Variants in FAM107B observed in about 807,000 individuals in gnomAD.
The protein encoded by FAM107B is family with sequence similarity 107 member B.
FAM107B carries 21 observed loss-of-function variants against 31.5 expected under a neutral mutation model. The observed-to-expected ratio is 0.67, with a 90% confidence interval of 0.47 to 0.96. The LOEUF (loss-of-function observed/expected upper bound fraction) is 0.96. Among genes scored for constraint, FAM107B ranks in the 40% least tolerant of loss-of-function variants. The probability of loss-of-function intolerance (pLI) is 0.00; values close to 1 mark genes in which losing one functional copy is unlikely to be tolerated. For missense variants in FAM107B, 452 were observed against 377.1 expected (o/e 1.20, Z -1.64); for synonymous variants, 157 against 141.5 (o/e 1.11, Z -0.78).
At chr10:14,666,109 A>G (rs575283888) in intron 2 of FAM107B, among the ~76,000 whole-genome samples, 88 of 152,314 alleles carry the variant, frequency 5.8e-4, no homozygotes, top group African/African-American at 2.1e-3. Context: ...CAAGACTGGT[A>G]ATGTCCCTGC....
chr10:14,595,424 T>TTTTC (rs1554838386), intron 2 of FAM107B, among the ~76,000 whole-genome samples: 1 of 139,558 alleles, frequency 7.2e-6, no homozygotes, highest in Non-Finnish European at 1.6e-5. Context: ...AGGGCAACCT[T>TTTTC]TTTTTTTTTT....
chr10:14,626,497 ATCTTTTTTT>A (rs1373537906), intron 2 of FAM107B, among the ~76,000 whole-genome samples: 1 of 100,470 alleles, frequency 1.0e-5, no homozygotes, highest in Admixed American at 1.3e-4. Context: ...TTTGAGGCGG[ATCTTTTTTT>A]TCTTTTTTTT....
intron 1 of FAM107B, among the ~76,000 whole-genome samples, chr10:14,773,314 G>C (rs771064390): frequency 2.6e-4 from 39 of 152,326 alleles, no homozygotes; most frequent in Admixed American, 9.8e-4. Flanking sequence ...CTTAGATTCT[G>C]TGAAGCAAGC....
intron 2 of FAM107B, among the ~76,000 whole-genome samples, chr10:14,635,474 G>C (rs1268033129): frequency 3.3e-5 from 5 of 152,198 alleles, no homozygotes; most frequent in Admixed American, 6.5e-5. Context: ...TCCAGCGTGT[G>C]GTTGGGATAT....
intron 1 of FAM107B, chr10:14,723,778 G>A: frequency 1.3e-6 from 1 of 758,046 alleles, no homozygotes; most frequent in East Asian, 2.4e-5. Context: ...GGCTCCAGTG[G>A]CAGCAGCAAA....
intron 2 of FAM107B, among the ~76,000 whole-genome samples, chr10:14,532,251 CAG>C (rs1435960039): frequency 6.6e-6 from 1 of 152,114 alleles, no homozygotes; most frequent in African/African-American, 2.4e-5. Flanking sequence ...GTCACCTTCT[CAG>C]AGAGGCCTGA....
At chr10:14,562,444 G>A (rs1306495489) in intron 2 of FAM107B, among the ~76,000 whole-genome samples, 2 of 152,192 alleles carry the variant, frequency 1.3e-5, no homozygotes, top group Non-Finnish European at 2.9e-5. Context: ...AGTGGTAGAG[G>A]CAGAGTTGCT....
In FAM107B at chr10:14,692,811, G is replaced by C. The variant is rs187496359; in HGVS notation, c.412-25120C>G. ...ACGTTGTCTTGCTGCACGGGCCGGG[G>C]TTATTCAATTATCCTCTCTGATCCT... On this transcript the variant is annotated intron_variant, in intron 1 of 4. Transcript: ENST00000181796. 2.0e-5 allele frequency among the ~76,000 whole-genome samples: 3 copies of C among 152,248 alleles called. No homozygotes were observed. The East Asian group carries it at 5.8e-4, about 29-fold the overall frequency.
At chr10:14,667,987 T>C (rs1854449365) in intron 1 of FAM107B, among the ~76,000 whole-genome samples, 1 of 152,126 alleles carries the variant, frequency 6.6e-6, no homozygotes, top group Admixed American at 6.5e-5. Flanking sequence ...CTGTGACTAA[T>C]ATATTTGAAG....
chr10:14,531,708 G>T (rs1008073569), intron 2 of FAM107B, among the ~76,000 whole-genome samples: 1 of 151,964 alleles, frequency 6.6e-6, no homozygotes, highest in Non-Finnish European at 1.5e-5. Flanking sequence ...CAGGCGTGGT[G>T]GCGTAGTCCC....
chr10:14,624,426 C>T (rs1196056837), intron 2 of FAM107B, among the ~76,000 whole-genome samples: 1 of 152,086 alleles, frequency 6.6e-6, no homozygotes, highest in South Asian at 2.1e-4. Flanking sequence ...CATTTGAGGT[C>T]AGGAATTGGA....
At chr10:14,605,078 C>T (rs2131383281) in intron 2 of FAM107B, among the ~76,000 whole-genome samples, 1 of 152,268 alleles carries the variant, frequency 6.6e-6, no homozygotes. Flanking sequence ...TGGAAGAAAA[C>T]GCAGACAGAA....
At chr10:14,567,984 C>T (rs1850821369) in intron 2 of FAM107B, among the ~76,000 whole-genome samples, 1 of 152,232 alleles carries the variant, frequency 6.6e-6, no homozygotes, top group Admixed American at 6.5e-5. Context: ...GGCTGCTGGT[C>T]ACTCAGCTCC....
At chr10:14,567,425 T>A (rs1004785723) in intron 2 of FAM107B, among the ~76,000 whole-genome samples, 3 of 151,740 alleles carry the variant, frequency 2.0e-5, no homozygotes, top group Non-Finnish European at 4.4e-5. Flanking sequence ...ACCTAGAGAT[T>A]TAAGAAGTGT....
intron 2 of FAM107B, among the ~76,000 whole-genome samples, chr10:14,543,423 GTCCTGAGCTCGGCC>G (rs1848409312): frequency 6.6e-6 from 1 of 152,142 alleles, no homozygotes; most frequent in African/African-American, 2.4e-5. Context: ...GGAGCATGCA[GTCCTGAGCTCGGCC>G]TCCTGAGCTC....
chr10:14,626,499 C>CTTTTTTTTTT lies in FAM107B; in HGVS notation c.469+41134_469+41135insAAAAAAAAAA, dbSNP rs71505032. 2.8e-5 allele frequency among the ~76,000 whole-genome samples: 3 copies of CTTTTTTTTTT among 109,042 alleles called. 1 individual carries two copies. Among genetic ancestry groups the CTTTTTTTTTT allele is most frequent in the Non-Finnish European group, 3.6e-5 (2 of 55,886 alleles). The allele number at this position is 109,042 out of a possible 152,430, so 71.5% of individuals were successfully genotyped here. On this transcript the variant is annotated intron_variant, in intron 2 of 4. Transcript: ENST00000181796. ...ACAAACTGTGGAATTTGAGGCGGAT[C>CTTTTTTTTTT]TTTTTTTTCTTTTTTTTTTTTTGAG...
At chr10:14,525,585 C>A (rs1375383548) in intron 3 of FAM107B, among the ~76,000 whole-genome samples, 1 of 152,144 alleles carries the variant, frequency 6.6e-6, no homozygotes, top group African/African-American at 2.4e-5. Flanking sequence ...TTCCTGCATC[C>A]AGAGATAACT....
chr10:14,626,592 C>T (rs371277230), intron 2 of FAM107B, among the ~76,000 whole-genome samples: 2 of 150,988 alleles, frequency 1.3e-5, no homozygotes, highest in East Asian at 3.9e-4. Flanking sequence ...CAAGCTCCGC[C>T]TTCCGGGTTC....
intron 1 of FAM107B, among the ~76,000 whole-genome samples, chr10:14,736,777 C>T (rs1006546491): frequency 6.6e-6 from 1 of 152,178 alleles, no homozygotes; most frequent in Non-Finnish European, 1.5e-5. Context: ...TATTTCAGCA[C>T]ATTCGACAGT....
Sources: allele counts gnomAD v4.1 joint callset (sites outside exome capture counted in the v4.1 genomes callset), GRCh38; gene constraint gnomAD v4.1.1; transcripts MANE v1.5; gene names NCBI Gene and HGNC (gene_info 2026-07-23, HGNC 2026-07-21).